DCLRE1C: variants seen among roughly 807,000 people sequenced by gnomAD.
DCLRE1C encodes protein artemis.
In DCLRE1C, 47 loss-of-function variants were observed where a neutral mutation model predicts 61.4. The ratio of observed to expected loss-of-function variants is 0.77; its 90% CI spans 0.61 to 0.98. The LOEUF (loss-of-function observed/expected upper bound fraction) is 0.98. Among genes scored for constraint, DCLRE1C ranks in the 50% least tolerant of loss-of-function variants. DCLRE1C has a pLI of 0.00. For missense variants in DCLRE1C, 858 were observed against 816.0 expected, an observed-to-expected ratio of 1.05 and a Z score of -0.63; for synonymous variants, 337 against 287.6, an observed-to-expected ratio of 1.17 and a Z score of -1.74.
At chr10:14,950,734 G>A (rs973217047) in intron 1 of DCLRE1C, among the ~76,000 whole-genome samples, 1 of 152,208 alleles carries the variant, frequency 6.6e-6, no homozygotes, top group African/African-American at 2.4e-5. Flanking sequence ...TGACTAAGCA[G>A]GCAGCACCCT....
rs548621987 is a variant in DCLRE1C at position 14,906,943 on chromosome 10, A to C, written c.*1465T>G. ...TGCCCAGGCTGGGCACAATCAGCTCACTGCAGTTTCAACCTCCTGGGCTCA... is the reference window on the plus strand; with the variant it reads ...TGCCCAGGCTGGGCACAATCAGCTCCCTGCAGTTTCAACCTCCTGGGCTCA... On this transcript the variant is annotated 3_prime_UTR_variant, in exon 14 of 14. Coordinates refer to ENST00000378278, the MANE Select transcript of DCLRE1C (RefSeq NM_001033855.3). 6.6e-6 allele frequency among the ~76,000 whole-genome samples: 1 copy of C among 152,124 alleles called. No homozygotes were observed. Among genetic ancestry groups the C allele is most frequent in the Non-Finnish European group, 1.5e-5 (1 of 67,978 alleles).
chr10:14,901,224 A>G (rs1833983810), downstream of DCLRE1C: 1 of 1,613,914 alleles, frequency 6.2e-7, no homozygotes, highest in African/African-American at 1.3e-5. Context: ...AGAACCATAA[A>G]TGCTGGAGAA....
downstream of DCLRE1C, chr10:14,902,555 C>A: frequency 7.9e-7 from 1 of 1,261,960 alleles, no homozygotes; most frequent in Non-Finnish European, 1.1e-6. Flanking sequence ...TATTTTTTTC[C>A]TAATGTTAAC....
At chr10:14,953,410 A>G (rs564249616) in intron 1 of DCLRE1C, among the ~76,000 whole-genome samples, 9 of 152,152 alleles carry the variant, frequency 5.9e-5, no homozygotes, top group African/African-American at 1.9e-4. Context: ...CTAGAACGAA[A>G]CTTTCATATT....
At position 14,932,510 on chromosome 10, in the gene DCLRE1C, G is replaced by A. The variant is rs1022057955; in HGVS notation, c.780+344C>T. Among the ~76,000 whole-genome samples the A allele has an allele frequency of 4.6e-5, 7 of 151,936 alleles. No individual in the cohort carries two copies. The East Asian group carries it at 5.8e-4, about 13-fold the overall frequency. On this transcript the variant is annotated intron_variant, in intron 9 of 13. Coordinates refer to ENST00000378278, the MANE Select transcript of DCLRE1C (RefSeq NM_001033855.3). The stretch of plus-strand genomic sequence containing the variant: ...AAATTAGCCGTGCATGGTGGCGGGC[G>A]CCTGTAGTCCCAGCTACTCAGGAGG...
At chr10:14,900,435 G>A (rs992364746), downstream of DCLRE1C, among the ~76,000 whole-genome samples, 1 of 152,110 alleles carries the variant, frequency 6.6e-6, no homozygotes, top group African/African-American at 2.4e-5. Context: ...AACTTCTGAT[G>A]GATTTCATAG....
chr10:14,932,784 G>T (rs1305232362), intron 9 of DCLRE1C, 70 bp downstream of exon 9: 7 of 1,566,198 alleles, frequency 4.5e-6, no homozygotes, highest in Non-Finnish European at 6.2e-6. Context: ...GCCTATAAAT[G>T]GAAGCCCTGA....
chr10:14,924,191 C>G (rs1423022334), intron 11 of DCLRE1C, among the ~76,000 whole-genome samples: 1 of 152,252 alleles, frequency 6.6e-6, no homozygotes, highest in South Asian at 2.1e-4. Context: ...CTCTCTCTCA[C>G]TCGCGTGCGC....
At chr10:14,951,389 CAAAAAAAAAAAAAAAAAAAAAAA>C (rs60272216) in intron 1 of DCLRE1C, among the ~76,000 whole-genome samples, 5 of 46,040 alleles carry the variant, frequency 1.1e-4, no homozygotes, top group African/African-American at 3.5e-4. Flanking sequence ...AACCCTGTCT[CAAAAAAAAAAAAAAAAAAAAAAA>C]AAAAAAAAAG....
chr10:14,927,148 G>A (rs1242230934), intron 10 of DCLRE1C, among the ~76,000 whole-genome samples: 4 of 152,170 alleles, frequency 2.6e-5, no homozygotes, highest in Middle Eastern at 3.2e-3. Context: ...ATGGGAGGCC[G>A]ACGCGTACGG....
In DCLRE1C at chr10:14,909,027, G is replaced by A; in HGVS notation, c.1460C>T (p.Pro487Leu). The A allele has an allele frequency of 1.2e-6, 2 of 1,614,034 alleles. No homozygotes were observed. Among genetic ancestry groups the A allele is most frequent in the Non-Finnish European group, 8.5e-7 (1 of 1,179,974 alleles). ...TCTTTTAAAGAATACTTCCCACTGG[G>A]GTACATCCCCATCAGCCTTTTGCAG... ...LHLQKADGDV[P>L]QWEVFFKRND... is the part of the protein sequence containing the mutation. The change falls in exon 14 of 14, where the codon CCC (proline) becomes CTC (leucine). Residue 487 changes from proline (P) to leucine (L), a missense_variant. By Grantham distance (98) the Pro-to-Leu change is moderately conservative. Transcript: ENST00000378278.
At chr10:14,929,815 T>C (rs1375404303) in intron 9 of DCLRE1C, among the ~76,000 whole-genome samples, 1 of 152,138 alleles carries the variant, frequency 6.6e-6, no homozygotes, top group African/African-American at 2.4e-5. Context: ...TCAAATTTCT[T>C]TGGGGTGCCT....
chr10:14,941,445 A>G (rs1399037186), intron 3 of DCLRE1C, among the ~76,000 whole-genome samples: 2 of 152,024 alleles, frequency 1.3e-5, no homozygotes, highest in Non-Finnish European at 2.9e-5. Flanking sequence ...CTACTATACC[A>G]GGCTAGTTTT....
chr10:14,910,931 A>C lies in DCLRE1C; in HGVS notation c.1157-1601T>G, dbSNP rs138734347. 6.3e-3 allele frequency among the ~76,000 whole-genome samples: 955 copies of C among 152,330 alleles called. 9 individuals carry two copies. Among genetic ancestry groups the C allele is most frequent in the African/African-American group, 0.022 (902 of 41,566 alleles). ...GACTCCCTGCTTCATAACAGATTCC[A>C]GTCAGGGAGGGAACATCTGGATAGA... is the stretch of plus-strand genomic sequence containing the variant. On this transcript the variant is annotated intron_variant, in intron 13 of 13. Transcript: ENST00000378278.
chr10:14,930,019 A>C (rs1332571039), intron 9 of DCLRE1C, among the ~76,000 whole-genome samples: 2 of 152,346 alleles, frequency 1.3e-5, no homozygotes, highest in East Asian at 3.9e-4. Flanking sequence ...ATGTGAGAAA[A>C]TTCACAGCAA....
chr10:14,951,503 A>G (rs1346011985), intron 1 of DCLRE1C, among the ~76,000 whole-genome samples: 1 of 151,930 alleles, frequency 6.6e-6, no homozygotes, highest in Non-Finnish European at 1.5e-5. Flanking sequence ...TGCTATCACA[A>G]GATACCATAG....
chr10:14,948,051 A>G, intron 2 of DCLRE1C, among the ~76,000 whole-genome samples: 1 of 152,094 alleles, frequency 6.6e-6, no homozygotes, highest in South Asian at 2.1e-4. Context: ...CCCTGTCACA[A>G]AAGTCAATAA....
intron 13 of DCLRE1C, among the ~76,000 whole-genome samples, chr10:14,916,051 C>A (rs1034673502): frequency 6.6e-6 from 1 of 152,144 alleles, no homozygotes; most frequent in African/African-American, 2.4e-5. Context: ...ACCCATTATC[C>A]ATTGTTGATA....
downstream of DCLRE1C, chr10:14,902,365 T>TCTCTTTCTCCTATATTTC (rs1351949499): frequency 4.4e-6 from 6 of 1,375,198 alleles, no homozygotes; most frequent in Non-Finnish European, 5.0e-6. Context: ...CTAAATTGTC[T>TCTCTTTCTCCTATATTTC]TAACTCTCTT....
Sources: allele counts gnomAD v4.1 joint callset (sites outside exome capture counted in the v4.1 genomes callset), GRCh38; gene constraint gnomAD v4.1.1; transcripts MANE v1.5; gene names NCBI Gene and HGNC (gene_info 2026-07-23, HGNC 2026-07-21).